Variants in DLGAP2 observed in about 807,000 individuals in gnomAD.
The protein encoded by DLGAP2 is DLG associated protein 2.
A neutral mutation model predicts 100.3 loss-of-function variants in DLGAP2; 26 were observed. That is an observed-to-expected ratio of 0.26 (90% CI 0.19 to 0.36). DLGAP2 has a LOEUF of 0.36. Ranked by LOEUF, DLGAP2 falls within the 10% of genes least tolerant of loss-of-function variation. The pLI is 1.00. For missense variants in DLGAP2, 1,858 were observed against 1,453.2 expected (o/e 1.28, Z -4.53); for synonymous variants, 886 against 630.1 (o/e 1.41, Z -6.08).
At chr8:1,295,128 G>T (rs1800142050) in intron 3 of DLGAP2, among the ~76,000 whole-genome samples, 1 of 152,170 alleles carries the variant, frequency 6.6e-6, no homozygotes, top group Non-Finnish European at 1.5e-5. Flanking sequence ...ACTGTGGGCT[G>T]TTCTCAAACT....
intron 6 of DLGAP2, among the ~76,000 whole-genome samples, chr8:1,602,443 A>C (rs1189697717): frequency 6.6e-6 from 1 of 152,250 alleles, no homozygotes; most frequent in Non-Finnish European, 1.5e-5. Context: ...TGAAAGGCCT[A>C]TTCCACACAG....
At chr8:1,522,788 G>A (rs1023982550) in intron 4 of DLGAP2, among the ~76,000 whole-genome samples, 2 of 152,142 alleles carry the variant, frequency 1.3e-5, no homozygotes, top group Non-Finnish European at 2.9e-5. Context: ...AATGAATCAG[G>A]TTAATTAGCA....
chr8:1,694,663 G>A (rs982354025), intron 13 of DLGAP2, among the ~76,000 whole-genome samples: 2 of 152,098 alleles, frequency 1.3e-5, no homozygotes, highest in Non-Finnish European at 2.9e-5. Flanking sequence ...CAACCCCGGG[G>A]GGTGTGTGCC....
intron 1 of DLGAP2, among the ~76,000 whole-genome samples, chr8:771,602 C>G (rs1012128516): frequency 1.2e-4 from 19 of 152,330 alleles, no homozygotes; most frequent in Admixed American, 1.2e-3. Flanking sequence ...TAGTCCAACC[C>G]AGGTGGTTTA....
chr8:818,379 A>G (rs1224081321), intron 1 of DLGAP2, among the ~76,000 whole-genome samples: 1 of 152,080 alleles, frequency 6.6e-6, no homozygotes, highest in East Asian at 1.9e-4. Context: ...TACCGAGTCT[A>G]TTTCCAGGCA....
intron 8 of DLGAP2, among the ~76,000 whole-genome samples, chr8:1,635,055 AG>A (rs1361584681): frequency 3.9e-5 from 6 of 152,228 alleles, no homozygotes; most frequent in Non-Finnish European, 5.9e-5. Context: ...GAAAAGCACT[AG>A]GGGAAATACT....
At chr8:1,480,696 TA>T (rs111610819) in intron 3 of DLGAP2, among the ~76,000 whole-genome samples, 2,406 of 129,356 alleles carry the variant, frequency 0.019, 59 homozygotes, top group African/African-American at 0.059. Flanking sequence ...CTAATAATAA[TA>T]AAAAAAAAAA....
chr8:1,363,686 C>T (rs1265649628), intron 3 of DLGAP2, among the ~76,000 whole-genome samples: 4 of 152,314 alleles, frequency 2.6e-5, no homozygotes, highest in African/African-American at 9.6e-5. Context: ...ACAGTCAGGA[C>T]ATGGAGAGAA....
At chr8:1,132,702 T>C (rs1796319823) in intron 2 of DLGAP2, among the ~76,000 whole-genome samples, 1 of 152,154 alleles carries the variant, frequency 6.6e-6, no homozygotes, top group Non-Finnish European at 1.5e-5. Context: ...AATCCTGGCC[T>C]CCCTGATGGC....
At chr8:1,107,246 C>G (rs890863143) in intron 2 of DLGAP2, among the ~76,000 whole-genome samples, 17 of 152,124 alleles carry the variant, frequency 1.1e-4, no homozygotes, top group Admixed American at 6.5e-5. Context: ...AAAATGGAGA[C>G]AATAGCTCAC....
intron 3 of DLGAP2, among the ~76,000 whole-genome samples, chr8:1,266,801 G>T (rs1799460181): frequency 6.6e-6 from 1 of 152,008 alleles, no homozygotes; most frequent in Admixed American, 6.5e-5. Flanking sequence ...AAGCTATCGA[G>T]GAATACTTTG....
At chr8:1,072,579 C>G (rs889609043) in intron 2 of DLGAP2, among the ~76,000 whole-genome samples, 6 of 152,180 alleles carry the variant, frequency 3.9e-5, no homozygotes, top group African/African-American at 1.4e-4. Flanking sequence ...TGGCTTGTGG[C>G]TGTTCCCGAG....
intron 6 of DLGAP2, among the ~76,000 whole-genome samples, chr8:1,571,556 G>C (rs1802682969): frequency 6.9e-6 from 1 of 144,356 alleles, no homozygotes; most frequent in South Asian, 2.3e-4. Context: ...GAACTGTGGG[G>C]TGTCTGATGA....
rs193120685 is a variant in DLGAP2 at position 1,646,154 on chromosome 8, G to A, written c.1810+13108G>A. Among the ~76,000 whole-genome samples, 106 of 152,272 alleles carry A rather than the reference G, an allele frequency of 7.0e-4. 2 individuals carry two copies. Among genetic ancestry groups the A allele is most frequent in the Admixed American group, 6.5e-4 (10 of 15,300 alleles). On this transcript the variant is annotated intron_variant, in intron 8 of 14. Coordinates refer to ENST00000637795, the MANE Select transcript of DLGAP2 (RefSeq NM_001346810.2). The stretch of plus-strand genomic sequence containing the variant: ...GAGGGGTGGACGAGGTGAAGCAGAT[G>A]CTTTCCCCAGTGTGGGTGGGCCACG...
At chr8:1,188,135 C>A (rs1343985552) in intron 2 of DLGAP2, among the ~76,000 whole-genome samples, 18 of 130,022 alleles carry the variant, frequency 1.4e-4, no homozygotes, top group African/African-American at 5.0e-4. Flanking sequence ...CACGGAATCT[C>A]GCACGCCCGG....
chr8:1,438,299 A>T (rs12545952), intron 3 of DLGAP2, among the ~76,000 whole-genome samples: 38,018 of 152,060 alleles, frequency 0.25, 5,019 homozygotes, highest in East Asian at 0.33. Context: ...GAGGAAGGGT[A>T]AGGGGTCTTT....
At chr8:1,570,522 C>T (rs1360937726) in intron 6 of DLGAP2, among the ~76,000 whole-genome samples, 2 of 152,250 alleles carry the variant, frequency 1.3e-5, no homozygotes, top group Non-Finnish European at 2.9e-5. Flanking sequence ...TGACCATTCC[C>T]ACCTAAGCTT....
intron 2 of DLGAP2, among the ~76,000 whole-genome samples, chr8:1,191,417 G>C (rs549332818): frequency 5.6e-4 from 85 of 152,200 alleles, no homozygotes; most frequent in South Asian, 1.2e-3. Flanking sequence ...TGATCTGCCC[G>C]CCTCAGCCTC....
chr8:1,316,445 ACTC>A (rs1183047956), intron 3 of DLGAP2, among the ~76,000 whole-genome samples: 1,819 of 132,386 alleles, frequency 0.014, 10 homozygotes, highest in East Asian at 0.019. Flanking sequence ...AGTGGTCTAC[ACTC>A]GAGAAACTCG....
Sources: allele counts gnomAD v4.1 joint callset (sites outside exome capture counted in the v4.1 genomes callset), GRCh38; gene constraint gnomAD v4.1.1; transcripts MANE v1.5; gene names NCBI Gene and HGNC (gene_info 2026-07-23, HGNC 2026-07-21).